Variants in DUS2 observed in about 807,000 individuals in gnomAD.
DUS2 encodes the protein tRNA-dihydrouridine(20) synthase [NAD(P)+]-like.
DUS2 carries 52 observed loss-of-function variants against 71.3 expected under a neutral mutation model. The observed-to-expected ratio is 0.73, with a 90% CI of 0.58 to 0.92. DUS2 has a LOEUF of 0.92. Among genes scored for constraint, DUS2 ranks in the 40% least tolerant of loss-of-function variants. DUS2 has a pLI of 0.00. For synonymous variants in DUS2, 204 were observed against 227.8 expected, an observed-to-expected ratio of 0.90 and a Z score of 0.94; for missense variants, 558 against 622.6, an observed-to-expected ratio of 0.90 and a Z score of 1.10.
intron 3 of DUS2, among the ~76,000 whole-genome samples, chr16:68,039,659 G>GATCCTCACGTCTCCGCCTTCC (rs2033592056): frequency 1.3e-5 from 2 of 152,182 alleles, no homozygotes; most frequent in South Asian, 4.1e-4. Flanking sequence ...CTGACCTCAT[G>GATCCTCACGTCTCCGCCTTCC]ATCCTCACGT....
At chr16:68,068,276 C>A (rs562369313) in intron 10 of DUS2, among the ~76,000 whole-genome samples, 1 of 152,308 alleles carries the variant, frequency 6.6e-6, no homozygotes, top group South Asian at 2.1e-4. Flanking sequence ...GAACCCAGAA[C>A]TCCCTTCATA....
chr16:68,044,124 T>C (rs2033668853), intron 3 of DUS2, among the ~76,000 whole-genome samples: 1 of 152,216 alleles, frequency 6.6e-6, no homozygotes, highest in African/African-American at 2.4e-5. Flanking sequence ...CAACACAGTC[T>C]TGATTATTGT....
intron 8 of DUS2, among the ~76,000 whole-genome samples, chr16:68,061,467 G>A (rs974761090): frequency 1.3e-5 from 2 of 152,194 alleles, no homozygotes; most frequent in African/African-American, 4.8e-5. Flanking sequence ...GACGGGCTCA[G>A]TGGCCATATG....
intron 3 of DUS2, among the ~76,000 whole-genome samples, chr16:68,041,189 G>A (rs989022321): frequency 6.6e-6 from 1 of 152,080 alleles, no homozygotes; most frequent in Non-Finnish European, 1.5e-5. Context: ...TTGTGCCACT[G>A]CACTCCAGCC....
rs1252262164 is a variant in DUS2, at chr16:68,057,119, CATATATAAATATATAATAA to C, written c.369+714_369+732del. On this transcript the variant is annotated intron_variant, in intron 7 of 16. Coordinates refer to ENST00000565263, the MANE Select transcript of DUS2 (RefSeq NM_017803.5). The stretch of plus-strand genomic sequence containing the variant: ...TATAGATTACATATATTATATATTA[CATATATAAATATATAATAA>C]ATATATAAATATATAATATATGTAG... 6.8e-5 allele frequency among the ~76,000 whole-genome samples: 9 copies of C among 132,472 alleles called. No individual in the cohort carries two copies. The East Asian group carries it at 1.2e-3, about 18-fold the overall frequency. The allele number at this position is 132,472 out of a possible 152,430, so 86.9% of individuals were successfully genotyped here.
At chr16:68,070,803 T>C (rs555169526) in intron 11 of DUS2, 137 bp from the exon 12 acceptor site, 2 of 809,588 alleles carry the variant, frequency 2.5e-6, no homozygotes, top group East Asian at 2.6e-5. Flanking sequence ...ATATCCACTT[T>C]ACTGAAGCTC....
chr16:68,072,441 A>G (rs1199573815), intron 12 of DUS2, among the ~76,000 whole-genome samples: 1 of 152,204 alleles, frequency 6.6e-6, no homozygotes, highest in African/African-American at 2.4e-5. Flanking sequence ...CACTGGGTGA[A>G]AGGTGATATT....
intron 2 of DUS2, 56 bp from the exon 3 acceptor site, chr16:68,037,950 C>G: frequency 6.4e-7 from 1 of 1,562,134 alleles, no homozygotes; most frequent in Non-Finnish European, 8.7e-7. Context: ...CTCTTGATAA[C>G]AGGAGAGATT....
chr16:68,061,959 C>T (rs192610886), intron 8 of DUS2, among the ~76,000 whole-genome samples: 12 of 152,250 alleles, frequency 7.9e-5, no homozygotes, highest in Non-Finnish European at 1.0e-4. Context: ...CATGCCTTCT[C>T]GTTTTTCCCA....
In DUS2 at chr16:68,053,641, G is replaced by T. The variant is rs751862492; in HGVS notation, c.250G>T (p.Val84Leu). The change falls in exon 5 of 17, where the codon GTG becomes TTG. Residue 84 changes from valine to leucine, a missense_variant. Val to Leu is a conservative substitution (Grantham distance 32). Coordinates refer to ENST00000565263, the MANE Select transcript of DUS2 (RefSeq NM_017803.5). ...CACCTGTGAAAGAGAGCAGAACAGG[G>T]TGGTCTTCCAGATGGTGAGAGACTC... is the stretch of plus-strand genomic sequence containing the variant. ...FRTCEREQNR[V>L]VFQMGTSDAE... The T allele has an allele frequency of 6.2e-7, 1 of 1,614,212 alleles. No homozygotes were observed. The highest frequency in any genetic ancestry group is 8.5e-7 in the Non-Finnish European group (1 of 1,180,028).
chr16:68,075,033 C>T (rs1219378498), intron 13 of DUS2, among the ~76,000 whole-genome samples: 1 of 152,210 alleles, frequency 6.6e-6, no homozygotes, highest in Non-Finnish European at 1.5e-5. Flanking sequence ...CATTGGTTAA[C>T]TCAGTCACGG....
intron 10 of DUS2, among the ~76,000 whole-genome samples, chr16:68,068,612 G>A (rs1411391543): frequency 2.6e-4 from 36 of 137,334 alleles, no homozygotes; most frequent in Admixed American, 2.4e-3. Flanking sequence ...TTTTTGAGAC[G>A]GAGTCTTGCT....
Position 68,078,004 on chromosome 16 carries a change from A to T in DUS2, c.1171-441A>T, listed in dbSNP as rs117638666. Reference sequence around the variant, plus strand: ...GGATCAAGCCAGCACCTCAGCATAGAGCCTGAGACCCTTCCATGTGCCTCG... The same window carrying T: ...GGATCAAGCCAGCACCTCAGCATAGTGCCTGAGACCCTTCCATGTGCCTCG... On this transcript the variant is annotated intron_variant, in intron 15 of 16. Coordinates refer to ENST00000565263, the MANE Select transcript of DUS2 (RefSeq NM_017803.5). 1.0e-3 allele frequency: 187 copies of T among 182,686 alleles called. 1 individual carries two copies. The East Asian group carries it at 0.017, about 16-fold the overall frequency. 11.3% of individuals were successfully genotyped at this position (182,686 alleles called of 1,614,324 possible). A position where few individuals can be genotyped will look rare whatever the true frequency, so the allele number is the denominator to read the frequency against.
intron 15 of DUS2, 126 bp from the exon 16 acceptor site, chr16:68,078,319 T>A: frequency 1.1e-6 from 1 of 869,924 alleles, no homozygotes; most frequent in East Asian, 2.4e-5. Flanking sequence ...GAGCATGTGA[T>A]ACAGGCAGCC....
intron 12 of DUS2, among the ~76,000 whole-genome samples, chr16:68,071,638 CT>C (rs377115620): frequency 4.4e-3 from 592 of 135,324 alleles, no homozygotes; most frequent in Non-Finnish European, 5.0e-3. Flanking sequence ...TAGGGAATAG[CT>C]TTTTTTTTTT....
intron 2 of DUS2, among the ~76,000 whole-genome samples, chr16:68,033,486 A>T (rs987029663): frequency 1.8e-4 from 28 of 151,640 alleles, no homozygotes; most frequent in African/African-American, 5.8e-4. Flanking sequence ...TTTAAAAATT[A>T]AAAAAAAATT....
intron 6 of DUS2, 69 bp from the exon 7 acceptor site, chr16:68,056,295 A>G: frequency 7.2e-7 from 1 of 1,380,162 alleles, no homozygotes; most frequent in Non-Finnish European, 1.0e-6. Context: ...AGGCCCATCC[A>G]TGCCTTTAAT....
At chr16:68,070,242 T>C in intron 11 of DUS2, 22 bp downstream of exon 11, 1 of 1,608,076 alleles carries the variant, frequency 6.2e-7, no homozygotes, top group Non-Finnish European at 8.5e-7. Context: ...GTCTTCATCA[T>C]GTACTCTGTG....
At chr16:68,054,895 T>C (rs536925747) in intron 6 of DUS2, among the ~76,000 whole-genome samples, 1 of 152,158 alleles carries the variant, frequency 6.6e-6, no homozygotes, top group Admixed American at 6.5e-5. Context: ...ATACAAAAAT[T>C]AGCTGGGTGT....
Sources: allele counts gnomAD v4.1 joint callset (sites outside exome capture counted in the v4.1 genomes callset), GRCh38; gene constraint gnomAD v4.1.1; transcripts MANE v1.5; gene names NCBI Gene and HGNC (gene_info 2026-07-23, HGNC 2026-07-21).